ASAP3: variants seen among roughly 807,000 people sequenced by gnomAD.
The protein encoded by ASAP3 is arf-GAP with SH3 domain, ANK repeat and PH domain-containing protein 3.
In ASAP3, 85 loss-of-function variants were observed where a neutral mutation model predicts 118.2. The observed-to-expected ratio is 0.72, with a 90% CI of 0.60 to 0.86. The LOEUF (loss-of-function observed/expected upper bound fraction) is 0.86. ASAP3 is among the 40% of genes least tolerant of loss of function. The pLI is 0.00. For missense variants in ASAP3, 1,026 were observed against 1,175.0 expected, an observed-to-expected ratio of 0.87 and a Z score of 1.85; for synonymous variants, 432 against 477.4, an observed-to-expected ratio of 0.90 and a Z score of 1.24.
At chr1:23,458,006 C>G (rs1641443740) in intron 1 of ASAP3, among the ~76,000 whole-genome samples, 1 of 152,198 alleles carries the variant, frequency 6.6e-6, no homozygotes, top group Admixed American at 6.5e-5. Context: ...GCTGCTGATG[C>G]TAGGAAGGTC....
At position 23,437,234 on chromosome 1, in the gene ASAP3, C is replaced by T. The variant is rs1293612193; in HGVS notation, c.1238G>A (p.Gly413Glu). 2.5e-6 allele frequency: 4 copies of T among 1,592,150 alleles called. No individual in the cohort carries two copies. Among genetic ancestry groups the T allele is most frequent in the Non-Finnish European group, 3.4e-6 (4 of 1,169,646 alleles). Residue 413 changes from glycine to glutamate, a missense_variant, in exon 14 of 25, where the codon GGG becomes GAG. Physicochemically the swap from Gly to Glu is moderately conservative, Grantham distance 98. Transcript: ENST00000336689. This position sits in a 1 kb window ranked among gnomAD's most constrained non-coding sequence, Gnocchi z 6.1. ...CGGCTCCCCATCATGGCCGGCGGAC[C>T]CCCAGGACCCCGGGCCAGCGCTGGG... ...GEPSAGPGSWGSAGHDGEPHD... is the reference protein window; with the variant it reads ...GEPSAGPGSWESAGHDGEPHD...
chr1:23,436,136 C>T lies in ASAP3; in HGVS notation c.1572-108G>A. 7.9e-7 allele frequency: 1 copy of T among 1,262,438 alleles called. No homozygotes were observed. Among genetic ancestry groups the T allele is most frequent in the Non-Finnish European group, 1.1e-6 (1 of 893,066 alleles). The allele number at this position is 1,262,438 out of a possible 1,614,324, so 78.2% of individuals were successfully genotyped here. On this transcript the variant is annotated intron_variant, in intron 16 of 24. Coordinates refer to ENST00000336689, the MANE Select transcript of ASAP3 (RefSeq NM_017707.4). The surrounding 1 kb of genome is among the most constrained non-coding windows in gnomAD (Gnocchi z 4.2). ...CTCTCTTTTTCTCCAGAACCATGTC[C>T]TGAAGACGTCTAGATCTGAGGCTCC... is the stretch of plus-strand genomic sequence containing the variant.
chr1:23,481,812 C>T (rs1642316882), intron 1 of ASAP3, among the ~76,000 whole-genome samples: 1 of 152,192 alleles, frequency 6.6e-6, no homozygotes, highest in Admixed American at 6.5e-5. Flanking sequence ...CATATTGGAG[C>T]CCCTTCTCCT....
At chr1:23,443,861 C>A (rs976598622) in intron 5 of ASAP3, among the ~76,000 whole-genome samples, 3 of 152,076 alleles carry the variant, frequency 2.0e-5, no homozygotes, top group African/African-American at 7.2e-5. Context: ...GGTGGGAGTA[C>A]AGGTGGGTGT....
chr1:23,438,101 TC>T lies in ASAP3; in HGVS notation c.1103-630del, dbSNP rs1452567512. Among the ~76,000 whole-genome samples the T allele has an allele frequency of 2.6e-5, 4 of 151,978 alleles. No homozygotes were observed. Among genetic ancestry groups the T allele is most frequent in the Non-Finnish European group, 5.9e-5 (4 of 67,984 alleles). ...TGCCTTTCATCATGCTAATCCTGTCTCCTCAAAAGCCCCCACCCCACAAACT... is the reference window on the plus strand; with the variant it reads ...TGCCTTTCATCATGCTAATCCTGTCTCTCAAAAGCCCCCACCCCACAAACT... On this transcript the variant is annotated intron_variant, in intron 12 of 24. Coordinates refer to ENST00000336689, the MANE Select transcript of ASAP3 (RefSeq NM_017707.4). This position sits in a 1 kb window ranked among gnomAD's most constrained non-coding sequence, Gnocchi z 4.9.
chr1:23,462,867 G>C (rs1641641827), intron 1 of ASAP3, among the ~76,000 whole-genome samples: 1 of 152,194 alleles, frequency 6.6e-6, no homozygotes, highest in South Asian at 2.1e-4. Context: ...TGAGGGCTAT[G>C]ATGGAAGGTT....
rs1640436689 is a variant in ASAP3, at chr1:23,431,690, AC to A, written c.2546+5del. 6.6e-7 allele frequency: 1 copy of A among 1,523,704 alleles called. No individual in the cohort carries two copies. The highest frequency in any genetic ancestry group is 1.4e-5 in the African/African-American group (1 of 71,246). 94.4% of individuals were successfully genotyped at this position (1,523,704 alleles called of 1,614,324 possible). On this transcript the variant is annotated splice_donor_5th_base_variant and intron_variant, in intron 23 of 24. Transcript: ENST00000336689. ...GCCCTGGTTGCACAGCTGGGCCCTC[AC>A]CAACCTGAATCTGACGGGGAGGTAC...
At position 23,429,724 on chromosome 1, in the gene ASAP3, G is replaced by T; in HGVS notation, c.*132C>A. 2.2e-6 allele frequency: 2 copies of T among 902,304 alleles called. No individual in the cohort carries two copies. The highest frequency in any genetic ancestry group is 1.7e-6 in the Non-Finnish European group (1 of 604,670). The allele number at this position is 902,304 out of a possible 1,614,324, so 55.9% of individuals were successfully genotyped here. A position where few individuals can be genotyped will look rare whatever the true frequency, so the allele number is the denominator to read the frequency against. On this transcript the variant is annotated 3_prime_UTR_variant, in exon 25 of 25. Coordinates refer to ENST00000336689, the MANE Select transcript of ASAP3 (RefSeq NM_017707.4). ...ATGGCCTGTGGCAGGAAGAAGGCCA[G>T]CTACAGAGGCACAAGGGACAGAGAG...
chr1:23,482,907 G>C (rs536817212), intron 1 of ASAP3, among the ~76,000 whole-genome samples: 11 of 151,340 alleles, frequency 7.3e-5, no homozygotes, highest in Admixed American at 7.2e-4. Flanking sequence ...AGCCAAGATC[G>C]CGTCACTGCA....
Position 23,437,223 on chromosome 1 carries a change from G to A in ASAP3, c.1249C>T (p.His417Tyr). Reference protein sequence around the residue: ...AGPGSWGSAGHDGEPHDLTKL... With the variant: ...AGPGSWGSAGYDGEPHDLTKL... ...GTGAGGTCGTGCGGCTCCCCATCAT[G>A]GCCGGCGGACCCCCAGGACCCCGGG... Residue 417 changes from histidine to tyrosine, a missense_variant, in exon 14 of 25, where the codon CAT becomes TAT. Coordinates refer to ENST00000336689, the MANE Select transcript of ASAP3 (RefSeq NM_017707.4). This position sits in a 1 kb window ranked among gnomAD's most constrained non-coding sequence, Gnocchi z 6.1. 1 of 1,597,556 alleles carries A rather than the reference G, an allele frequency of 6.3e-7. No homozygotes were observed. The highest frequency in any genetic ancestry group is 8.5e-7 in the Non-Finnish European group (1 of 1,172,328).
At chr1:23,435,610 G>T in intron 17 of ASAP3, 2 of 577,938 alleles carry the variant, frequency 3.5e-6, no homozygotes, top group Admixed American at 3.0e-5. Context: ...TTTTATAGAT[G>T]AGGAAATGAG....
chr1:23,431,320 G>A (rs1352086834), intron 23 of ASAP3, among the ~76,000 whole-genome samples, 195 bp from the exon 24 acceptor site: 2 of 152,192 alleles, frequency 1.3e-5, no homozygotes, highest in Non-Finnish European at 1.5e-5. Context: ...ATATCTGCAG[G>A]TCTACTTCTC....
intron 1 of ASAP3, among the ~76,000 whole-genome samples, chr1:23,474,272 G>T (rs1230740213): frequency 2.0e-5 from 3 of 151,926 alleles, no homozygotes; most frequent in Admixed American, 2.0e-4. Context: ...TGCTCTTAAG[G>T]TTCCCAATGA....
In ASAP3 at chr1:23,439,166, T is replaced by C. The variant is rs199508833; in HGVS notation, c.1009A>G (p.Ser337Gly). ...VKYGCLTISH[S>G]TINRPPVKLT... ...CCACCACCTCTAGGCCTCACCGTGC[T>C]GTGTGAGATGGTCAGGCAGCCATAC... The change falls in exon 11 of 25, where the codon AGC becomes GGC. Residue 337 changes from serine (S) to glycine (G), a missense_variant. Ser to Gly is a moderately conservative substitution (Grantham distance 56, BLOSUM62 0). Coordinates refer to ENST00000336689, the MANE Select transcript of ASAP3 (RefSeq NM_017707.4). 1.3e-4 allele frequency: 210 copies of C among 1,613,948 alleles called. No individual in the cohort carries two copies. The Middle Eastern group carries it at 4.4e-3, about 34-fold the overall frequency.
In ASAP3 at chr1:23,436,956, G is replaced by A. The variant is rs115515935; in HGVS notation, c.1431C>T (p.Arg477=). 0.093 allele frequency: 149,386 copies of A among 1,612,104 alleles called. 7,581 individuals are homozygous for A. The highest frequency in any genetic ancestry group is 0.11 in the Middle Eastern group (637 of 5,976). The change falls in exon 15 of 25, where the codon CGC becomes CGT. Residue 477 remains arginine, a synonymous_variant. Coordinates refer to ENST00000336689, the MANE Select transcript of ASAP3 (RefSeq NM_017707.4). This position sits in a 1 kb window ranked among gnomAD's most constrained non-coding sequence, Gnocchi z 4.2. ...GCAGGTCCAAGGTGAGTGACTGCAT[G>A]CGCGAAAAGCGCACGCCCAGTTCGC... is the stretch of plus-strand genomic sequence containing the variant. ...VHRELGVRFS[R]MQSLTLDLLG...
chr1:23,431,093 G>GC lies in ASAP3; in HGVS notation c.2578dup (p.Ala860GlyfsTer5), dbSNP rs1640413279. 2 of 1,552,780 alleles carry GC rather than the reference G, an allele frequency of 1.3e-6. No homozygotes were observed. Among genetic ancestry groups the GC allele is most frequent in the African/African-American group, 1.4e-5 (1 of 73,502 alleles). On this transcript the variant is annotated frameshift_variant, in exon 24 of 25. Transcript: ENST00000336689. LOFTEE classifies it high-confidence loss of function. ...TGAGGGACCATCTTCAGGGCTCCGC[G>GC]CCCCCCGCCGATAGGAGCGAGTGCT...
intron 1 of ASAP3, among the ~76,000 whole-genome samples, chr1:23,465,457 A>C (rs12132500): frequency 0.14 from 20,798 of 152,098 alleles, 1,656 homozygotes; most frequent in Middle Eastern, 0.28. Context: ...TCCAAGTCAC[A>C]CAGTGATGAA....
chr1:23,479,611 C>T (rs1402144882), intron 1 of ASAP3, among the ~76,000 whole-genome samples: 1 of 152,050 alleles, frequency 6.6e-6, no homozygotes, highest in East Asian at 1.9e-4. Context: ...GAAGGAAATC[C>T]TTTCTAAAAC....
At chr1:23,482,112 A>G (rs965326337) in intron 1 of ASAP3, among the ~76,000 whole-genome samples, 1 of 152,242 alleles carries the variant, frequency 6.6e-6, no homozygotes, top group African/African-American at 2.4e-5. Flanking sequence ...GTAGTAGGCT[A>G]GGCTCCGTGA....
Sources: gnomAD v4.1 joint callset for allele counts (sites outside exome capture counted in the v4.1 genomes callset) on GRCh38, gnomAD v4.1.1 for gene constraint, Gnocchi (gnomAD v3.1) non-coding constraint, MANE v1.5 for transcripts, NCBI Gene and HGNC (gene_info 2026-07-23, HGNC 2026-07-21) for gene names.